The following HDAC9 variants were observed in gnomAD, a reference collection of about 807,000 sequenced individuals.
HDAC9 encodes the protein histone deacetylase 9.
HDAC9 carries 41 observed loss-of-function variants against 139.4 expected under a neutral mutation model. The observed-to-expected ratio is 0.29, with a 90% CI of 0.23 to 0.38. The LOEUF is 0.38. HDAC9 is among the 10% of genes least tolerant of loss of function. The pLI is 1.00. For synonymous variants in HDAC9, 517 were observed against 476.2 expected, an observed-to-expected ratio of 1.09 and a Z score of -1.12; for missense variants, 1,147 against 1,297.0, an observed-to-expected ratio of 0.88 and a Z score of 1.78.
At chr7:18,262,279 G>C (rs972958745) in intron 2 of HDAC9, among the ~76,000 whole-genome samples, 12 of 152,158 alleles carry the variant, frequency 7.9e-5, no homozygotes, top group Non-Finnish European at 1.3e-4. Flanking sequence ...GTCTCAATAA[G>C]GCTGACAGCT....
At chr7:18,476,191 C>T (rs1475081360) in intron 1 of HDAC9, among the ~76,000 whole-genome samples, 3 of 152,088 alleles carry the variant, frequency 2.0e-5, no homozygotes, top group Non-Finnish European at 2.9e-5. Context: ...TGTTACTCTG[C>T]AGGGATAGTG....
chr7:18,347,605 G>T (rs1287520234), intron 1 of HDAC9, among the ~76,000 whole-genome samples: 2 of 152,046 alleles, frequency 1.3e-5, no homozygotes, highest in African/African-American at 2.4e-5. Flanking sequence ...TTTATCTTAC[G>T]TTATTTTATT....
intron 13 of HDAC9, among the ~76,000 whole-genome samples, chr7:18,742,464 A>T (rs116975783): frequency 3.3e-5 from 5 of 152,316 alleles, no homozygotes; most frequent in East Asian, 3.9e-4. Context: ...TCCACACTTC[A>T]TAGGTTACAG....
At chr7:18,139,148 C>G (rs1181153842) in intron 1 of HDAC9, among the ~76,000 whole-genome samples, 10 of 120,982 alleles carry the variant, frequency 8.3e-5, no homozygotes, top group African/African-American at 2.7e-4. Context: ...TTTTTTGAGA[C>G]AGGCTCTTGC....
chr7:18,096,883 T>TTGTGTGTG (rs59590063), intron 1 of HDAC9, among the ~76,000 whole-genome samples: 405 of 145,328 alleles, frequency 2.8e-3, no homozygotes, highest in African/African-American at 3.9e-3. Context: ...CTTGTTGGCT[T>TTGTGTGTG]TGTGTGTGTG....
chr7:18,541,154 T>TTG (rs1812759946), intron 2 of HDAC9, among the ~76,000 whole-genome samples: 1 of 148,254 alleles, frequency 6.7e-6, no homozygotes, highest in African/African-American at 2.5e-5. Flanking sequence ...TTTTTTTTTT[T>TTG]TTTTTTTTTT....
At chr7:18,974,774 C>G (rs1206958674) in intron 24 of HDAC9, among the ~76,000 whole-genome samples, 1 of 152,192 alleles carries the variant, frequency 6.6e-6, no homozygotes, top group Non-Finnish European at 1.5e-5. Context: ...AGGCATCTCC[C>G]TATTTCAGAG....
At chr7:18,489,732 C>T (rs1796226525) in intron 1 of HDAC9, among the ~76,000 whole-genome samples, 1 of 151,954 alleles carries the variant, frequency 6.6e-6, no homozygotes. Context: ...AAAAAATAAA[C>T]TTCCCTTGAT....
intron 2 of HDAC9, among the ~76,000 whole-genome samples, chr7:18,179,887 C>T (rs1335407641): frequency 6.6e-6 from 1 of 152,120 alleles, no homozygotes; most frequent in Non-Finnish European, 1.5e-5. Flanking sequence ...AGAATGATCA[C>T]ACATAAATAT....
intron 2 of HDAC9, among the ~76,000 whole-genome samples, chr7:18,284,083 A>G (rs1797278577): frequency 1.3e-5 from 2 of 152,316 alleles, no homozygotes; most frequent in Non-Finnish European, 2.9e-5. Flanking sequence ...GAATGTTAAC[A>G]TAAAGAAGTC....
intron 2 of HDAC9, among the ~76,000 whole-genome samples, chr7:18,549,984 T>G (rs1242269935): frequency 6.6e-6 from 1 of 151,926 alleles, no homozygotes; most frequent in Admixed American, 6.6e-5. Context: ...TTACTTTTCT[T>G]GCTTAGGAAT....
chr7:18,525,607 T>G (rs1048596549), intron 2 of HDAC9, among the ~76,000 whole-genome samples: 12 of 152,316 alleles, frequency 7.9e-5, no homozygotes, highest in Middle Eastern at 3.4e-3. Context: ...AGCTACTGTT[T>G]ATATAGTCCT....
chr7:18,168,283 T>C (rs1171858534), intron 2 of HDAC9, among the ~76,000 whole-genome samples: 1 of 152,190 alleles, frequency 6.6e-6, no homozygotes, highest in Non-Finnish European at 1.5e-5. Context: ...CATTTTGGGG[T>C]CACGTTTTTC....
At chr7:18,968,835 TG>T (rs1784058648) in intron 24 of HDAC9, among the ~76,000 whole-genome samples, 1 of 151,552 alleles carries the variant, frequency 6.6e-6, no homozygotes, top group Non-Finnish European at 1.5e-5. Flanking sequence ...GGCGGGCGCC[TG>T]TAGTCCCAGC....
intron 14 of HDAC9, among the ~76,000 whole-genome samples, chr7:18,759,435 G>T (rs1026889572): frequency 2.6e-5 from 4 of 152,018 alleles, no homozygotes; most frequent in African/African-American, 9.7e-5. Context: ...GATCTAGGTT[G>T]AGCGCTCCTT....
rs1210984595 is a variant in HDAC9 at position 18,151,016 on chromosome 7, T to C, written c.-96-11213T>C. ...GCTACAGATGTTGGATTGAGCTATT[T>C]ATATGTGTTAATCTGTCTCAGTCTA... On this transcript the variant is annotated intron_variant, in intron 1 of 12. Transcript: ENST00000417496. Among the ~76,000 whole-genome samples, 3 of 152,178 alleles carry C rather than the reference T, an allele frequency of 2.0e-5. No homozygotes were observed. The East Asian group carries it at 5.8e-4, about 29-fold the overall frequency.
chr7:18,822,164 C>T (rs1008435291), intron 17 of HDAC9, among the ~76,000 whole-genome samples: 2 of 152,142 alleles, frequency 1.3e-5, no homozygotes, highest in African/African-American at 2.4e-5. Context: ...CTCTCTCCTC[C>T]CCAGAGGTTG....
At chr7:18,775,439 C>T (rs1433688544) in intron 16 of HDAC9, among the ~76,000 whole-genome samples, 5 of 152,040 alleles carry the variant, frequency 3.3e-5, no homozygotes, top group Admixed American at 3.3e-4. Context: ...TCCTGACGAT[C>T]TGTAAGCACT....
intron 1 of HDAC9, among the ~76,000 whole-genome samples, chr7:18,355,897 T>C (rs935185829): frequency 1.1e-4 from 16 of 152,258 alleles, no homozygotes; most frequent in African/African-American, 3.9e-4. Flanking sequence ...ACTCGTGATT[T>C]CCAAGGGCTG....
Sources: gnomAD v4.1 joint callset for allele counts (sites outside exome capture counted in the v4.1 genomes callset) on GRCh38, gnomAD v4.1.1 for gene constraint, MANE v1.5 for transcripts, NCBI Gene and HGNC (gene_info 2026-07-23, HGNC 2026-07-21) for gene names.